LHFPL6: variants seen among roughly 807,000 people sequenced by gnomAD.
The protein encoded by LHFPL6 is LHFPL tetraspan subfamily member 6 protein.
LHFPL6 carries 9 observed loss-of-function variants against 20.6 expected under a neutral mutation model. That is an observed-to-expected ratio of 0.44 (90% CI 0.26 to 0.76). The LOEUF (loss-of-function observed/expected upper bound fraction) is 0.76. Among genes scored for constraint, LHFPL6 ranks in the 30% least tolerant of loss-of-function variants. LHFPL6 has a pLI of 0.20. For synonymous variants in LHFPL6, 105 were observed against 98.7 expected (o/e 1.06, Z -0.38); for missense variants, 218 against 253.5 (o/e 0.86, Z 0.95).
At chr13:39,539,610 C>T (rs993497610) in intron 2 of LHFPL6, among the ~76,000 whole-genome samples, 8 of 152,186 alleles carry the variant, frequency 5.3e-5, no homozygotes, top group Non-Finnish European at 8.8e-5. Context: ...ACAGGTGCCA[C>T]TGGGGAAAAT....
chr13:39,495,977 C>A (rs79940786), intron 2 of LHFPL6, among the ~76,000 whole-genome samples: 4,063 of 151,604 alleles, frequency 0.027, 141 homozygotes, highest in East Asian at 0.12. Flanking sequence ...TGTCTAGAGT[C>A]AAGGGAAATA....
chr13:39,343,916 C>T lies in LHFPL6; in HGVS notation c.*20G>A, dbSNP rs763533197. 2.5e-6 allele frequency: 4 copies of T among 1,601,764 alleles called. No individual in the cohort carries two copies. The highest frequency in any genetic ancestry group is 2.2e-5 in the East Asian group (1 of 44,734). ...CCCTTTGGCCCATCTTCTCCTCTGT[C>T]TGCTCTTGGTAGCTCCATCTCAGTA... On this transcript the variant is annotated 3_prime_UTR_variant, in exon 4 of 4. Transcript: ENST00000379589.
chr13:39,586,490 T>G (rs1872452549), intron 2 of LHFPL6, among the ~76,000 whole-genome samples: 1 of 152,232 alleles, frequency 6.6e-6, no homozygotes, highest in Non-Finnish European at 1.5e-5. Flanking sequence ...TTGTAATTTA[T>G]TGTATTTTCT....
intron 3 of LHFPL6, among the ~76,000 whole-genome samples, chr13:39,360,090 T>G (rs1177831): frequency 0.27 from 17,822 of 66,052 alleles, 4,136 homozygotes; most frequent in East Asian, 0.35. Context: ...GCACGATCTC[T>G]GCTCACTGCA....
intron 2 of LHFPL6, among the ~76,000 whole-genome samples, chr13:39,384,988 T>C (rs191758284): frequency 1.3e-3 from 195 of 152,348 alleles, no homozygotes; most frequent in African/African-American, 4.4e-3. Context: ...TGTGAGATCA[T>C]TTGCAGCTAC....
chr13:39,516,712 C>T (rs1298214587), intron 2 of LHFPL6, among the ~76,000 whole-genome samples: 6 of 152,204 alleles, frequency 3.9e-5, no homozygotes, highest in South Asian at 2.1e-4. Context: ...GGCCTCTGTA[C>T]GCCTCAATTA....
At chr13:39,492,222 A>G (rs1259937996) in intron 2 of LHFPL6, among the ~76,000 whole-genome samples, 1 of 152,226 alleles carries the variant, frequency 6.6e-6, no homozygotes, top group Non-Finnish European at 1.5e-5. Context: ...GTAGGTGAAG[A>G]TAGCAATTGT....
chr13:39,594,205 G>A (rs543512226), intron 2 of LHFPL6, among the ~76,000 whole-genome samples: 38 of 152,152 alleles, frequency 2.5e-4, no homozygotes, highest in African/African-American at 7.5e-4. Flanking sequence ...GAAAATTTTC[G>A]CAACCTACTC....
intron 2 of LHFPL6, among the ~76,000 whole-genome samples, chr13:39,530,910 C>T (rs1870445984): frequency 6.6e-6 from 1 of 151,380 alleles, no homozygotes; most frequent in South Asian, 2.1e-4. Context: ...GTCAAAGCTA[C>T]AATGCTGGTT....
intron 2 of LHFPL6, among the ~76,000 whole-genome samples, chr13:39,537,247 G>A (rs182642158): frequency 8.7e-4 from 132 of 152,232 alleles, no homozygotes; most frequent in Admixed American, 1.3e-3. Flanking sequence ...TCCTCGGCAC[G>A]CACACCACAC....
intron 2 of LHFPL6, among the ~76,000 whole-genome samples, chr13:39,557,619 A>G (rs1871345501): frequency 6.6e-6 from 1 of 152,242 alleles, no homozygotes. Context: ...TTACAACGTG[A>G]GAAGGACATG....
intron 2 of LHFPL6, among the ~76,000 whole-genome samples, chr13:39,547,705 AC>A (rs1387298809): frequency 6.6e-6 from 1 of 152,130 alleles, no homozygotes; most frequent in African/African-American, 2.4e-5. Context: ...TACACTTTTT[AC>A]AAATCAAAGA....
intron 2 of LHFPL6, among the ~76,000 whole-genome samples, chr13:39,584,236 A>T (rs12853787): frequency 0.063 from 9,643 of 152,204 alleles, 535 homozygotes; most frequent in African/African-American, 0.15. Context: ...TTGTTGAATA[A>T]GTGAATAAAA....
chr13:39,343,603 TTGTGTGTGTGTGTG>T lies in LHFPL6; in HGVS notation c.*319_*332del, dbSNP rs67172252. On this transcript the variant is annotated 3_prime_UTR_variant, in exon 4 of 4. Transcript: ENST00000379589. ...ACCCTTGTTTGTATATGTAGATTTG[TTGTGTGTGTGTGTG>T]TGTGTGTGTGTGTGTGTGTGTGTGT... The T allele has an allele frequency of 5.0e-4, 98 of 195,154 alleles. No individual in the cohort carries two copies. Among genetic ancestry groups the T allele is most frequent in the Admixed American group, 2.3e-3 (36 of 15,476 alleles). The allele number at this position is 195,154 out of a possible 1,614,324, so 12.1% of individuals were successfully genotyped here. A position where few individuals can be genotyped will look rare whatever the true frequency, so the allele number is the denominator to read the frequency against.
chr13:39,396,596 GA>G (rs1870847581), intron 2 of LHFPL6, among the ~76,000 whole-genome samples: 1 of 152,002 alleles, frequency 6.6e-6, no homozygotes, highest in Admixed American at 6.6e-5. Context: ...AGGAGTTCAA[GA>G]CCGGCCCGGG....
At chr13:39,354,502 T>A (rs967331501) in intron 3 of LHFPL6, among the ~76,000 whole-genome samples, 3 of 152,208 alleles carry the variant, frequency 2.0e-5, no homozygotes, top group Non-Finnish European at 4.4e-5. Context: ...TACTTCCAAA[T>A]GACCGTACTA....
intron 2 of LHFPL6, among the ~76,000 whole-genome samples, chr13:39,539,181 G>A (rs1870718729): frequency 6.6e-6 from 1 of 152,144 alleles, no homozygotes; most frequent in African/African-American, 2.4e-5. Flanking sequence ...TTAACAGCAT[G>A]GCATTACCTT....
At chr13:39,545,907 C>A (rs1244460437) in intron 2 of LHFPL6, among the ~76,000 whole-genome samples, 1 of 152,030 alleles carries the variant, frequency 6.6e-6, no homozygotes, top group Non-Finnish European at 1.5e-5. Flanking sequence ...TGCTTCTCTG[C>A]AAACAAACAA....
At position 39,538,180 on chromosome 13, in the gene LHFPL6, G is replaced by A. The variant is rs147625044; in HGVS notation, c.385+62652C>T. ...AATTTTTGTATTTTTAGTAGAGACG[G>A]GGTTTCACCATGTTGGGCAGGCTGG... On this transcript the variant is annotated intron_variant, in intron 2 of 3. Transcript: ENST00000379589. Among the ~76,000 whole-genome samples the A allele has an allele frequency of 8.4e-3, 1,279 of 151,550 alleles. 10 individuals are homozygous for A. Among genetic ancestry groups the A allele is most frequent in the Non-Finnish European group, 0.011 (740 of 67,848 alleles).
Sources: allele counts gnomAD v4.1 joint callset (sites outside exome capture counted in the v4.1 genomes callset), GRCh38; gene constraint gnomAD v4.1.1; transcripts MANE v1.5; gene names NCBI Gene and HGNC (gene_info 2026-07-23, HGNC 2026-07-21).